Variants in PTPRD observed in about 807,000 individuals in gnomAD.
PTPRD encodes receptor-type tyrosine-protein phosphatase delta.
Under a neutral mutation model 214.5 loss-of-function variants are expected in PTPRD, and 34 were observed. That is an observed-to-expected ratio of 0.16 (90% CI 0.12 to 0.21). The LOEUF (loss-of-function observed/expected upper bound fraction) is 0.21, where lower values mean the gene tolerates loss of function less well. Ranked by LOEUF, PTPRD falls within the 10% of genes least tolerant of loss-of-function variation. The pLI is 1.00. For synonymous variants in PTPRD, 1,128 were observed against 845.7 expected (o/e 1.33, Z -5.79); for missense variants, 2,545 against 2,398.7 (o/e 1.06, Z -1.27).
intron 14 of PTPRD, among the ~76,000 whole-genome samples, chr9:8,565,816 G>T (rs1359128629): frequency 6.6e-6 from 1 of 152,140 alleles, no homozygotes; most frequent in Non-Finnish European, 1.5e-5. Context: ...ATTCATCAAA[G>T]TTTTATCATT....
chr9:9,835,113 A>G (rs2056356434), intron 5 of PTPRD, among the ~76,000 whole-genome samples: 1 of 152,064 alleles, frequency 6.6e-6, no homozygotes, highest in African/African-American at 2.4e-5. Context: ...CTAGTACCAA[A>G]GCAGCAAGGA....
intron 5 of PTPRD, among the ~76,000 whole-genome samples, chr9:9,789,313 G>T (rs1343712513): frequency 1.3e-5 from 2 of 152,188 alleles, no homozygotes; most frequent in African/African-American, 4.8e-5. Context: ...TAGCGTATGA[G>T]ATTTTCAGTG....
chr9:8,559,345 C>A (rs906350451), intron 14 of PTPRD, among the ~76,000 whole-genome samples: 1 of 152,072 alleles, frequency 6.6e-6, no homozygotes, highest in Admixed American at 6.6e-5. Flanking sequence ...ATACAGATAT[C>A]GAAATATCAC....
intron 14 of PTPRD, among the ~76,000 whole-genome samples, chr9:8,597,454 A>G (rs556860944): frequency 7.9e-5 from 12 of 152,276 alleles, no homozygotes; most frequent in Admixed American, 7.2e-4. Flanking sequence ...TTGTTCCACA[A>G]AGAATTTACC....
intron 11 of PTPRD, among the ~76,000 whole-genome samples, chr9:8,976,041 T>G (rs974060906): frequency 6.6e-5 from 10 of 152,060 alleles, no homozygotes; most frequent in African/African-American, 2.4e-4. Context: ...CGTTTTTGCC[T>G]TCACTTTGAA....
chr9:10,204,624 T>C (rs1252427442), intron 3 of PTPRD, among the ~76,000 whole-genome samples: 1 of 152,170 alleles, frequency 6.6e-6, no homozygotes, highest in East Asian at 1.9e-4. Context: ...TAGTAATGTG[T>C]ATAACTATGA....
At chr9:10,575,758 C>A (rs1309886220) in intron 2 of PTPRD, among the ~76,000 whole-genome samples, 3 of 152,036 alleles carry the variant, frequency 2.0e-5, no homozygotes, top group Non-Finnish European at 4.4e-5. Flanking sequence ...TCCAGTCTCT[C>A]TCTCTCTGTC....
intron 4 of PTPRD, among the ~76,000 whole-genome samples, chr9:10,031,116 T>C (rs1332375135): frequency 6.6e-6 from 1 of 152,202 alleles, no homozygotes; most frequent in Non-Finnish European, 1.5e-5. Context: ...CGCCAGGTAG[T>C]AATTTTCTTT....
intron 34 of PTPRD, among the ~76,000 whole-genome samples, chr9:8,439,651 G>GA (rs1384423301): frequency 6.6e-6 from 1 of 152,150 alleles, no homozygotes; most frequent in African/African-American, 2.4e-5. Context: ...AGTTGAAACT[G>GA]TTTAGCTCAT....
intron 9 of PTPRD, among the ~76,000 whole-genome samples, chr9:9,364,405 T>G (rs371865479): frequency 6.6e-6 from 1 of 151,332 alleles, no homozygotes; most frequent in African/African-American, 2.4e-5. Context: ...TTGGTGAGTG[T>G]TGGAGAAGGG....
intron 5 of PTPRD, among the ~76,000 whole-genome samples, chr9:9,839,095 T>G (rs1225266261): frequency 6.6e-6 from 1 of 152,146 alleles, no homozygotes; most frequent in Admixed American, 6.6e-5. Context: ...GGCGTTATTT[T>G]TGAGGGCTCT....
At chr9:9,765,302 A>T (rs754626501) in intron 6 of PTPRD, among the ~76,000 whole-genome samples, 1 of 152,160 alleles carries the variant, frequency 6.6e-6, no homozygotes, top group Non-Finnish European at 1.5e-5. Flanking sequence ...GGGCCAAATA[A>T]AAAATATGAG....
At chr9:8,318,501 T>G (rs1797205104) in intron 45 of PTPRD, among the ~76,000 whole-genome samples, 2 of 152,204 alleles carry the variant, frequency 1.3e-5, no homozygotes, top group African/African-American at 2.4e-5. Flanking sequence ...TCATTTCAGC[T>G]ACCCTTTGGC....
rs1004979826 is a variant in PTPRD at position 8,492,786 on chromosome 9, C to T, written c.2467+76G>A. The T allele has an allele frequency of 4.4e-5, 44 of 1,002,778 alleles. No individual in the cohort carries two copies. The Admixed American group carries it at 9.0e-4, about 21-fold the overall frequency. The allele number at this position is 1,002,778 out of a possible 1,614,324, so 62.1% of individuals were successfully genotyped here. A position where few individuals can be genotyped will look rare whatever the true frequency, so the allele number is the denominator to read the frequency against. On this transcript the variant is annotated intron_variant, in intron 27 of 45. Coordinates refer to ENST00000381196, the MANE Select transcript of PTPRD (RefSeq NM_002839.4). ...TCCTCTGATTTTACTATAATAAAAG[C>T]CTGCTAGAAGCTACCTATACCATTT... is the stretch of plus-strand genomic sequence containing the variant.
At chr9:8,475,425 C>T (rs1397150822) in intron 30 of PTPRD, among the ~76,000 whole-genome samples, 1 of 152,138 alleles carries the variant, frequency 6.6e-6, no homozygotes, top group Non-Finnish European at 1.5e-5. Flanking sequence ...TGGTGACACT[C>T]CTCAAGGCTC....
intron 12 of PTPRD, among the ~76,000 whole-genome samples, chr9:8,701,939 A>C (rs1020844139): frequency 4.6e-5 from 7 of 152,232 alleles, no homozygotes; most frequent in Non-Finnish European, 8.8e-5. Flanking sequence ...TTTGAACAAC[A>C]GAATGATCAT....
intron 11 of PTPRD, among the ~76,000 whole-genome samples, chr9:8,737,549 A>C (rs6477334): frequency 0.074 from 11,241 of 151,162 alleles, 1,366 homozygotes; most frequent in African/African-American, 0.26. Flanking sequence ...AAGGAGGTTC[A>C]GTGATATTAA....
intron 3 of PTPRD, among the ~76,000 whole-genome samples, chr9:10,120,915 T>A (rs1487942178): frequency 2.6e-5 from 4 of 151,902 alleles, no homozygotes; most frequent in African/African-American, 9.7e-5. Context: ...AAAGAAAAAA[T>A]AGACAAAGCT....
intron 9 of PTPRD, among the ~76,000 whole-genome samples, chr9:9,325,174 G>A (rs1439785677): frequency 6.6e-6 from 1 of 152,136 alleles, no homozygotes; most frequent in Non-Finnish European, 1.5e-5. Context: ...TGGCAATGTG[G>A]TCTCTTTTTT....
Sources: allele counts gnomAD v4.1 joint callset (sites outside exome capture counted in the v4.1 genomes callset), GRCh38; gene constraint gnomAD v4.1.1; transcripts MANE v1.5; gene names NCBI Gene and HGNC (gene_info 2026-07-23, HGNC 2026-07-21).